Variants in MAP1LC3B observed in about 807,000 individuals in gnomAD.
MAP1LC3B encodes the protein microtubule-associated protein 1 light chain 3 beta.
MAP1LC3B carries 12 observed loss-of-function variants against 16.7 expected under a neutral mutation model. That is an observed-to-expected ratio of 0.72 (90% confidence interval 0.46 to 1.16). The LOEUF is 1.16. Ranked by LOEUF, MAP1LC3B falls within the 50% of genes most tolerant of loss-of-function variation. The probability of loss-of-function intolerance (pLI) is 0.00; values close to 1 mark genes in which losing one functional copy is unlikely to be tolerated. For synonymous variants in MAP1LC3B, 63 were observed against 56.5 expected (o/e 1.11, Z -0.51); for missense variants, 155 against 159.5 (o/e 0.97, Z 0.15).
At chr16:87,394,080 G>A (rs994198506) in intron 1 of MAP1LC3B, among the ~76,000 whole-genome samples, 2 of 152,188 alleles carry the variant, frequency 1.3e-5, no homozygotes, top group African/African-American at 4.8e-5. Flanking sequence ...AAGTGGCCCT[G>A]AGGGTAGACC....
rs555863814 is a variant in MAP1LC3B at position 87,404,178 on chromosome 16, G to C, written c.*1081G>C. 2.6e-5 allele frequency: 4 copies of C among 152,110 alleles called. No homozygotes were observed. Among genetic ancestry groups the C allele is most frequent in the African/African-American group, 9.7e-5 (4 of 41,420 alleles). 9.4% of individuals were successfully genotyped at this position (152,110 alleles called of 1,614,324 possible). Reference sequence around the variant, plus strand: ...TGGAGAAAACATAGCAAAAAGAGCCGTACGCTCTTTACAGATACTAATGTC... The same window carrying C: ...TGGAGAAAACATAGCAAAAAGAGCCCTACGCTCTTTACAGATACTAATGTC... On this transcript the variant is annotated 3_prime_UTR_variant, in exon 4 of 4. Transcript: ENST00000268607.
rs1437171567 is a variant in MAP1LC3B, at chr16:87,404,161, A to C, written c.*1064A>C. The C allele has an allele frequency of 6.6e-6, 1 of 152,216 alleles. No homozygotes were observed. Among genetic ancestry groups the C allele is most frequent in the East Asian group, 1.9e-4 (1 of 5,200 alleles). 9.4% of individuals were successfully genotyped at this position (152,216 alleles called of 1,614,324 possible). Reference sequence around the variant, plus strand: ...CAAGTGCATGTCAGTTGTGGAGAAAACATAGCAAAAAGAGCCGTACGCTCT... The same window carrying C: ...CAAGTGCATGTCAGTTGTGGAGAAACCATAGCAAAAAGAGCCGTACGCTCT... On this transcript the variant is annotated 3_prime_UTR_variant, in exon 4 of 4. Coordinates refer to ENST00000268607, the MANE Select transcript of MAP1LC3B (RefSeq NM_022818.5).
intron 2 of MAP1LC3B, among the ~76,000 whole-genome samples, chr16:87,400,753 G>T (rs1193204401): frequency 1.3e-5 from 2 of 150,840 alleles, no homozygotes; most frequent in Non-Finnish European, 3.0e-5. Context: ...TCCCAGGTGG[G>T]CCTGGAACGC....
intron 2 of MAP1LC3B, among the ~76,000 whole-genome samples, chr16:87,401,447 A>T (rs986208425): frequency 5.3e-5 from 8 of 152,256 alleles, no homozygotes; most frequent in African/African-American, 1.9e-4. Context: ...CTATGAGGAA[A>T]CTAGTGAATG....
At chr16:87,399,686 G>A (rs1280859111) in intron 2 of MAP1LC3B, 1 of 441,232 alleles carries the variant, frequency 2.3e-6, no homozygotes, top group African/African-American at 2.0e-5. Context: ...TCTGTGGTCA[G>A]GTATTATAAC....
At chr16:87,393,856 C>T (rs1385469726) in intron 1 of MAP1LC3B, among the ~76,000 whole-genome samples, 3 of 152,174 alleles carry the variant, frequency 2.0e-5, no homozygotes, top group South Asian at 2.1e-4. Context: ...TCCAGCGGCC[C>T]CCCTCAGACC....
chr16:87,400,919 A>G (rs1194028297), intron 2 of MAP1LC3B, among the ~76,000 whole-genome samples: 1 of 151,920 alleles, frequency 6.6e-6, no homozygotes, highest in Non-Finnish European at 1.5e-5. Flanking sequence ...TGGATCACGA[A>G]GTCAGGGGTT....
chr16:87,398,636 T>C (rs1042802125), intron 1 of MAP1LC3B, among the ~76,000 whole-genome samples, 179 bp from the exon 2 acceptor site: 5 of 152,352 alleles, frequency 3.3e-5, no homozygotes, highest in South Asian at 2.1e-4. Flanking sequence ...TGGCCTTAGA[T>C]ACAAACCTTT....
Position 87,402,989 on chromosome 16 carries a change from C to A in MAP1LC3B, c.270C>A (p.Ser90Arg). 2 of 1,613,976 alleles carry A rather than the reference C, an allele frequency of 1.2e-6. No individual in the cohort carries two copies. Among genetic ancestry groups the A allele is most frequent in the Non-Finnish European group, 1.7e-6 (2 of 1,179,908 alleles). ...FLLVNGHSMV[S>R]VSTPISEVYE... ...TGGTGAACGGACACAGCATGGTCAG[C>A]GTCTCCACACCAATCTCAGAGGTGT... is the stretch of plus-strand genomic sequence containing the variant. Residue 90 changes from serine (S) to arginine (R), a missense_variant, in exon 4 of 4, where the codon AGC becomes AGA. By Grantham distance (110) the Ser-to-Arg change is moderately radical. Transcript: ENST00000268607.
intron 1 of MAP1LC3B, among the ~76,000 whole-genome samples, chr16:87,395,196 G>A (rs1325550650): frequency 6.6e-6 from 1 of 152,196 alleles, no homozygotes; most frequent in African/African-American, 2.4e-5. Flanking sequence ...GGCTCCTACC[G>A]TTTGTTTTAA....
rs1436334167 is a variant in MAP1LC3B at position 87,392,370 on chromosome 16, C to T, written c.-58C>T. Reference sequence around the variant, plus strand: ...TTCGCCGCCGCAGCAGCCGCCGCCCCCGGGAGCCGCCGGGACCCTCGCGTC... The same window carrying T: ...TTCGCCGCCGCAGCAGCCGCCGCCCTCGGGAGCCGCCGGGACCCTCGCGTC... On this transcript the variant is annotated 5_prime_UTR_variant, in exon 1 of 4. Coordinates refer to ENST00000268607, the MANE Select transcript of MAP1LC3B (RefSeq NM_022818.5). 8.0e-6 allele frequency: 11 copies of T among 1,381,168 alleles called. No individual in the cohort carries two copies. Among genetic ancestry groups the T allele is most frequent in the South Asian group, 1.6e-5 (1 of 63,292 alleles). 85.6% of individuals were successfully genotyped at this position (1,381,168 alleles called of 1,614,324 possible).
chr16:87,392,580 G>C (rs944524402), intron 1 of MAP1LC3B, 113 bp downstream of exon 1: 12 of 1,042,852 alleles, frequency 1.2e-5, no homozygotes, highest in African/African-American at 1.0e-4. Flanking sequence ...GGCCGAGCGG[G>C]GCCGGTGGCT....
chr16:87,399,659 T>C (rs879582365), intron 2 of MAP1LC3B: 2 of 453,616 alleles, frequency 4.4e-6, no homozygotes, highest in African/African-American at 2.0e-5. Context: ...CAGACACTAA[T>C]GAGACTCAGA....
At chr16:87,401,068 G>C (rs1907975933) in intron 2 of MAP1LC3B, among the ~76,000 whole-genome samples, 1 of 150,466 alleles carries the variant, frequency 6.6e-6, no homozygotes, top group Non-Finnish European at 1.5e-5. Context: ...GGGAGTCGGA[G>C]GTTGCAGTGA....
chr16:87,402,842 C>G, intron 3 of MAP1LC3B, 81 bp from the exon 4 acceptor site: 1 of 1,514,108 alleles, frequency 6.6e-7, no homozygotes, highest in South Asian at 1.2e-5. Context: ...TTTTACCGAT[C>G]AGAGTGGGTG....
intron 2 of MAP1LC3B, 96 bp downstream of exon 2, chr16:87,398,966 A>G (rs1567500223): frequency 9.4e-7 from 1 of 1,066,190 alleles, no homozygotes; most frequent in Non-Finnish European, 1.5e-6. Context: ...AGGAATCACC[A>G]GACAGCCAAA....
At chr16:87,393,295 G>T (rs1907673472) in intron 1 of MAP1LC3B, 1 of 152,230 alleles carries the variant, frequency 6.6e-6, no homozygotes, top group African/African-American at 2.4e-5. Context: ...TTTCCCGCTT[G>T]AGCAAGAGAA....
intron 1 of MAP1LC3B, among the ~76,000 whole-genome samples, chr16:87,396,180 A>T (rs1240251567): frequency 6.6e-6 from 1 of 151,884 alleles, no homozygotes; most frequent in Non-Finnish European, 1.5e-5. Context: ...TTCCTATATT[A>T]AAAAAATGTT....
chr16:87,400,051 CGT>C (rs1274785674), intron 2 of MAP1LC3B: 1 of 160,462 alleles, frequency 6.2e-6, no homozygotes, highest in African/African-American at 2.4e-5. Flanking sequence ...GGATTACAGG[CGT>C]GAGTCACCAC....
Sources: gnomAD v4.1 joint callset for allele counts (sites outside exome capture counted in the v4.1 genomes callset) on GRCh38, gnomAD v4.1.1 for gene constraint, MANE v1.5 for transcripts, NCBI Gene and HGNC (gene_info 2026-07-23, HGNC 2026-07-21) for gene names.